The following PRKD3 variants were observed in gnomAD, a reference collection of about 807,000 sequenced individuals.
PRKD3 encodes the protein serine/threonine-protein kinase D3.
A neutral mutation model predicts 99.2 loss-of-function variants in PRKD3; 47 were observed. The ratio of observed to expected loss-of-function variants is 0.47; its 90% CI spans 0.38 to 0.60. The LOEUF is 0.60. Among genes scored for constraint, PRKD3 ranks in the 20% least tolerant of loss-of-function variants. The pLI is 0.00. For missense variants in PRKD3, 1,019 were observed against 1,088.4 expected, an observed-to-expected ratio of 0.94 and a Z score of 0.90; for synonymous variants, 392 against 355.4, an observed-to-expected ratio of 1.10 and a Z score of -1.16.
intron 2 of PRKD3, among the ~76,000 whole-genome samples, chr2:37,314,695 A>G (rs887699386): frequency 2.6e-5 from 4 of 152,206 alleles, no homozygotes; most frequent in African/African-American, 9.6e-5. Context: ...GAGAGTCATC[A>G]AAACACTGGT....
At chr2:37,311,145 G>A (rs996909260) in intron 2 of PRKD3, among the ~76,000 whole-genome samples, 4 of 152,144 alleles carry the variant, frequency 2.6e-5, no homozygotes, top group Admixed American at 2.6e-4. Flanking sequence ...CTTTATCCAT[G>A]CTACAAGCTA....
At chr2:37,324,569 G>A (rs1453319013) in intron 1 of PRKD3, 112 bp downstream of exon 1, 2 of 147,504 alleles carry the variant, frequency 1.4e-5, no homozygotes, top group Non-Finnish European at 3.0e-5. Context: ...TTTGGGGGAT[G>A]GGGGAGGGGC....
chr2:37,256,575 G>T, intron 17 of PRKD3, 87 bp downstream of exon 17: 2 of 1,386,218 alleles, frequency 1.4e-6, no homozygotes, highest in Non-Finnish European at 1.9e-6. Context: ...AGTTGCAAGA[G>T]ACAGACTGAT....
chr2:37,315,599 C>T (rs1196001602), intron 2 of PRKD3, among the ~76,000 whole-genome samples: 1 of 152,182 alleles, frequency 6.6e-6, no homozygotes, highest in Non-Finnish European at 1.5e-5. Context: ...GCCTTGTGCC[C>T]TCTACCTCCT....
In PRKD3 at chr2:37,269,393, CTG is replaced by C. The variant is rs1669068147; in HGVS notation, c.1777+220_1777+221del. On this transcript the variant is annotated intron_variant, in intron 13 of 18. Transcript: ENST00000234179. ...GAGCTACAAGAAGAGATAAAACACA[CTG>C]TAAAATTTTCTGATTCTGTTAATTT... 1.5e-5 allele frequency: 8 copies of C among 541,784 alleles called. 1 individual carries two copies. Among genetic ancestry groups the C allele is most frequent in the Middle Eastern group, 4.9e-4 (1 of 2,026 alleles). 33.6% of individuals were successfully genotyped at this position (541,784 alleles called of 1,614,324 possible).
rs917045380 is a variant in PRKD3, at chr2:37,316,411, G to A, written c.114C>T (p.Ala38=). The change falls in exon 2 of 19, where the codon GCC becomes GCT. Residue 38 remains alanine (A), a synonymous_variant. Transcript: ENST00000234179. ...PCSSPKTGLS[A]RLSNGSFSAP... ...CACTGAAGCTTCCATTAGAGAGTCG[G>A]GCAGAGAGTCCCGTCTTAGGACTTG... The A allele has an allele frequency of 1.2e-6, 2 of 1,614,182 alleles. No homozygotes were observed. The highest frequency in any genetic ancestry group is 1.7e-6 in the Non-Finnish European group (2 of 1,180,030).
At position 37,256,662 on chromosome 2, in the gene PRKD3, C is replaced by CTT; in HGVS notation, c.2411_2412dup (p.Ala805LysfsTer5). 1 of 911,558 alleles carries CTT rather than the reference C, an allele frequency of 1.1e-6. No individual in the cohort carries two copies. Among genetic ancestry groups the CTT allele is most frequent in the South Asian group, 2.2e-5 (1 of 46,274 alleles). 56.5% of individuals were successfully genotyped at this position (911,558 alleles called of 1,614,324 possible). On this transcript the variant is annotated frameshift_variant and splice_region_variant, in exon 17 of 19. Coordinates refer to ENST00000234179, the MANE Select transcript of PRKD3 (RefSeq NM_005813.6). LOFTEE classifies it high-confidence loss of function. The stretch of plus-strand genomic sequence containing the variant: ...TTTTTTTTTTTTTTTTTTTTTTTAC[C>CTT]TTCACCAGAAATTTCTCTCCATGGA...
At chr2:37,320,494 C>T (rs1324874677) in intron 1 of PRKD3, among the ~76,000 whole-genome samples, 1 of 135,892 alleles carries the variant, frequency 7.4e-6, no homozygotes. Flanking sequence ...TACAGTGGCG[C>T]GATCTTGACT....
intron 2 of PRKD3, among the ~76,000 whole-genome samples, chr2:37,307,677 G>A (rs945076983): frequency 6.6e-6 from 1 of 152,088 alleles, no homozygotes; most frequent in Non-Finnish European, 1.5e-5. Flanking sequence ...ATGTTGGAAG[G>A]GTTTCAAAGC....
intron 17 of PRKD3, among the ~76,000 whole-genome samples, chr2:37,255,380 C>T (rs1402946567): frequency 6.6e-6 from 1 of 152,222 alleles, no homozygotes; most frequent in Non-Finnish European, 1.5e-5. Context: ...AGCACTGGTT[C>T]TATTAACTTC....
chr2:37,308,760 C>T (rs17020503), intron 2 of PRKD3, among the ~76,000 whole-genome samples: 2,767 of 152,164 alleles, frequency 0.018, 34 homozygotes, highest in African/African-American at 0.034. Flanking sequence ...CAGCTAGTGT[C>T]AGGTATTAAG....
At chr2:37,308,251 T>C (rs1671249758) in intron 2 of PRKD3, among the ~76,000 whole-genome samples, 2 of 152,226 alleles carry the variant, frequency 1.3e-5, no homozygotes, top group South Asian at 2.1e-4. Context: ...TTTACTTTTA[T>C]ATATGTATAC....
At chr2:37,253,982 T>TTC (rs1667732233) in intron 18 of PRKD3, among the ~76,000 whole-genome samples, 1 of 152,234 alleles carries the variant, frequency 6.6e-6, no homozygotes, top group Non-Finnish European at 1.5e-5. Context: ...CACATAGGTC[T>TTC]ATGAAAGGCT....
chr2:37,273,153 T>C (rs573363648), intron 11 of PRKD3, among the ~76,000 whole-genome samples: 1 of 152,358 alleles, frequency 6.6e-6, no homozygotes, highest in East Asian at 1.9e-4. Flanking sequence ...AATGTTGTTT[T>C]TTGGTACTTT....
In PRKD3 at chr2:37,290,913, C is replaced by T; in HGVS notation, c.514G>A (p.Gly172Ser). The change falls in exon 4 of 19, where the codon GGT becomes AGT. Residue 172 changes from glycine (G) to serine (S), a missense_variant. By Grantham distance (56) the Gly-to-Ser change is moderately conservative (BLOSUM62 0). This residue lies in a region of PRKD3 where 710 missense variants were observed against 692.7 expected (regional missense o/e 1.02). Transcript: ENST00000234179. Reference protein sequence around the residue: ...YKAPTFCDYCGEMLWGLVRQG... With the variant: ...YKAPTFCDYCSEMLWGLVRQG... ...CGTACCAATCCCCAGAGCATCTCAC[C>T]ACAGTAATCACAGAAAGTAGGAGCT... 6.2e-7 allele frequency: 1 copy of T among 1,603,116 alleles called. No individual in the cohort carries two copies. Among genetic ancestry groups the T allele is most frequent in the Non-Finnish European group, 8.5e-7 (1 of 1,170,002 alleles).
intron 14 of PRKD3, among the ~76,000 whole-genome samples, chr2:37,266,863 ATTAT>A (rs1429569024): frequency 6.6e-6 from 1 of 152,216 alleles, no homozygotes; most frequent in Non-Finnish European, 1.5e-5. Context: ...CATATTATAA[ATTAT>A]TTATATGATA....
chr2:37,268,020 A>G, intron 13 of PRKD3: 1 of 189,608 alleles, frequency 5.3e-6, no homozygotes, highest in East Asian at 1.7e-4. Flanking sequence ...ATATTAAAAA[A>G]AGGTAGAAGT....
chr2:37,276,095 G>C (rs909639718), intron 9 of PRKD3, among the ~76,000 whole-genome samples: 2 of 152,054 alleles, frequency 1.3e-5, no homozygotes, highest in Non-Finnish European at 2.9e-5. Context: ...TCCTTGTAGA[G>C]AATTTCATAC....
chr2:37,251,008 C>G lies in PRKD3; in HGVS notation c.*2169G>C, dbSNP rs1228696840. 6.6e-6 allele frequency: 1 copy of G among 152,494 alleles called. No homozygotes were observed. The highest frequency in any genetic ancestry group is 2.4e-5 in the African/African-American group (1 of 41,388). 9.4% of individuals were successfully genotyped at this position (152,494 alleles called of 1,614,324 possible). Reference sequence around the variant, plus strand: ...ACAAAGAGTGCAATTAATTTCATGGCTTGTAAAGTTTGACTATGTAAGTAT... The same window carrying G: ...ACAAAGAGTGCAATTAATTTCATGGGTTGTAAAGTTTGACTATGTAAGTAT... On this transcript the variant is annotated 3_prime_UTR_variant, in exon 19 of 19. Coordinates refer to ENST00000234179, the MANE Select transcript of PRKD3 (RefSeq NM_005813.6).
Sources: gnomAD v4.1 joint callset for allele counts (sites outside exome capture counted in the v4.1 genomes callset) on GRCh38, gnomAD v4.1.1 for gene constraint, gnomAD v4.1.1 regional missense constraint, MANE v1.5 for transcripts, NCBI Gene and HGNC (gene_info 2026-07-23, HGNC 2026-07-21) for gene names.